SERINC5: variants seen among roughly 807,000 people sequenced by gnomAD.
SERINC5 encodes the protein chromosome 5 open reading frame 12.
SERINC5 carries 41 observed loss-of-function variants against 63.1 expected under a neutral mutation model. The ratio of observed to expected loss-of-function variants is 0.65; its 90% confidence interval spans 0.51 to 0.84. The LOEUF (loss-of-function observed/expected upper bound fraction) is 0.84, where lower values mean the gene tolerates loss of function less well. SERINC5 is among the 40% of genes least tolerant of loss of function. SERINC5 has a pLI of 0.00. For synonymous variants in SERINC5, 222 were observed against 215.2 expected (o/e 1.03, Z -0.28); for missense variants, 523 against 573.0 (o/e 0.91, Z 0.89).
chr5:80,126,966 AAAG>A (rs1353136370), intron 11 of SERINC5, among the ~76,000 whole-genome samples: 2 of 152,222 alleles, frequency 1.3e-5, no homozygotes, highest in Non-Finnish European at 2.9e-5. Flanking sequence ...AAAAACTTTC[AAAG>A]AAGAAGATTA....
chr5:80,176,377 A>G (rs1310828140), intron 4 of SERINC5, among the ~76,000 whole-genome samples: 2 of 152,238 alleles, frequency 1.3e-5, no homozygotes, highest in African/African-American at 2.4e-5. Flanking sequence ...GCCCTGATAC[A>G]TAACTATATG....
intron 7 of SERINC5, among the ~76,000 whole-genome samples, chr5:80,160,438 A>G (rs1580085068): frequency 6.6e-6 from 1 of 152,256 alleles, no homozygotes; most frequent in East Asian, 1.9e-4. Flanking sequence ...AACATAAAGT[A>G]ACACTCTAGA....
chr5:80,226,213 T>A lies in SERINC5; in HGVS notation c.28-23160A>T, dbSNP rs1010268930. On this transcript the variant is annotated intron_variant, in intron 1 of 11. Transcript: ENST00000507668. ...GCTGGAGTACAGGTGCACACTATGA[T>A]GCCTGGCTAATTTTTTGTATTTTTT... is the stretch of plus-strand genomic sequence containing the variant. Among the ~76,000 whole-genome samples the A allele has an allele frequency of 3.9e-5, 6 of 152,176 alleles. No homozygotes were observed. The East Asian group carries it at 9.6e-4, about 24-fold the overall frequency.
intron 1 of SERINC5, among the ~76,000 whole-genome samples, chr5:80,207,225 C>T (rs1441080172): frequency 1.3e-5 from 2 of 152,178 alleles, no homozygotes; most frequent in African/African-American, 4.8e-5. Flanking sequence ...GTCTCAATCT[C>T]CTGACCTTGT....
intron 1 of SERINC5, among the ~76,000 whole-genome samples, chr5:80,210,471 T>C (rs1750382286): frequency 6.6e-6 from 1 of 152,192 alleles, no homozygotes; most frequent in Admixed American, 6.5e-5. Context: ...AGGATTGATC[T>C]AGGTGTGTGA....
chr5:80,202,916 T>C lies in SERINC5; in HGVS notation c.165A>G (p.Ser55=). 6.2e-7 allele frequency: 1 copy of C among 1,612,286 alleles called. No homozygotes were observed. Among genetic ancestry groups the C allele is most frequent in the Non-Finnish European group, 8.5e-7 (1 of 1,178,600 alleles). ...LVVVLCCIMM[S]TTVAHKMKEH... ...CTTTCATCTTGTGAGCCACGGTTGT[T>C]GACATCATGATGCAGCAGAGGACGA... Residue 55 remains serine (S), a synonymous_variant, in exon 2 of 12, where the codon TCA becomes TCG. Transcript: ENST00000507668.
intron 11 of SERINC5, among the ~76,000 whole-genome samples, chr5:80,115,449 T>A (rs1313114054): frequency 6.6e-6 from 1 of 152,088 alleles, no homozygotes; most frequent in Non-Finnish European, 1.5e-5. Flanking sequence ...TTTTTTGAAT[T>A]CTCAGTTTTC....
Position 80,141,741 on chromosome 5 carries a change from T to C in SERINC5, c.*1922A>G. 1 of 985,474 alleles carries C rather than the reference T, an allele frequency of 1.0e-6. No homozygotes were observed. The allele number at this position is 985,474 out of a possible 1,614,324, so 61.0% of individuals were successfully genotyped here. A position where few individuals can be genotyped will look rare whatever the true frequency, so the allele number is the denominator to read the frequency against. ...GATTCCTCAGGTTAGAACACGGCTTTTCATTTTGCGACTCCAGATGAATCT... is the reference window on the plus strand; with the variant it reads ...GATTCCTCAGGTTAGAACACGGCTTCTCATTTTGCGACTCCAGATGAATCT... On this transcript the variant is annotated 3_prime_UTR_variant, in exon 12 of 12. Coordinates refer to ENST00000507668, the MANE Select transcript of SERINC5 (RefSeq NM_001174072.3).
Position 80,143,550 on chromosome 5 carries a change from C to A in SERINC5, c.*113G>T. The A allele has an allele frequency of 1.5e-6, 2 of 1,357,382 alleles. No homozygotes were observed. Among genetic ancestry groups the A allele is most frequent in the South Asian group, 2.0e-5 (1 of 51,048 alleles). The allele number at this position is 1,357,382 out of a possible 1,614,324, so 84.1% of individuals were successfully genotyped here. On this transcript the variant is annotated 3_prime_UTR_variant, in exon 12 of 12. Coordinates refer to ENST00000507668, the MANE Select transcript of SERINC5 (RefSeq NM_001174072.3). ...AGATTTTTTTTTTTCTCTCTCAAAGCTTTTTCAGACCCACTCAGGCACAGG... is the reference window on the plus strand; with the variant it reads ...AGATTTTTTTTTTTCTCTCTCAAAGATTTTTCAGACCCACTCAGGCACAGG...
At chr5:80,137,151 A>AC (rs1369794087), downstream of SERINC5, among the ~76,000 whole-genome samples, 7 of 141,496 alleles carry the variant, frequency 4.9e-5, no homozygotes, top group Admixed American at 4.3e-4. Context: ...AAAAAAAAAA[A>AC]AAAAAAAAAA....
intron 1 of SERINC5, among the ~76,000 whole-genome samples, chr5:80,242,233 G>T (rs1260147445): frequency 6.6e-6 from 1 of 152,164 alleles, no homozygotes; most frequent in African/African-American, 2.4e-5. Context: ...TCTATAAAAA[G>T]CATACTTTTA....
At chr5:80,182,435 A>G (rs1030998893) in intron 2 of SERINC5, among the ~76,000 whole-genome samples, 12 of 151,538 alleles carry the variant, frequency 7.9e-5, no homozygotes, top group Non-Finnish European at 1.5e-4. Context: ...TATTCACCAT[A>G]CATTTCTTCC....
At chr5:80,145,987 G>T in intron 11 of SERINC5, 103 bp downstream of exon 11, 2 of 1,271,398 alleles carry the variant, frequency 1.6e-6, no homozygotes, top group Non-Finnish European at 2.2e-6. Context: ...TCCAGCCTGG[G>T]CAACAGAGTG....
chr5:80,219,633 G>A (rs1750813059), intron 1 of SERINC5, among the ~76,000 whole-genome samples: 1 of 152,124 alleles, frequency 6.6e-6, no homozygotes, highest in South Asian at 2.1e-4. Flanking sequence ...CAGCCTTTGT[G>A]AGGATGCCTG....
At chr5:80,161,092 T>G (rs1209351476) in intron 7 of SERINC5, among the ~76,000 whole-genome samples, 3 of 151,798 alleles carry the variant, frequency 2.0e-5, no homozygotes, top group Non-Finnish European at 4.4e-5. Context: ...CTTTATCCAA[T>G]CATCTGTTGA....
intron 2 of SERINC5, 63 bp downstream of exon 2, chr5:80,202,823 G>A: frequency 2.6e-6 from 4 of 1,512,960 alleles, no homozygotes; most frequent in Non-Finnish European, 3.6e-6. Flanking sequence ...TCTAAATCAT[G>A]TTTTTCCCAC....
At chr5:80,190,196 C>G (rs1438714555) in intron 2 of SERINC5, among the ~76,000 whole-genome samples, 2 of 150,468 alleles carry the variant, frequency 1.3e-5, no homozygotes, top group Admixed American at 6.7e-5. Context: ...ACTGCAACCT[C>G]CACCTCCCTG....
At chr5:80,180,619 A>T (rs554827108) in intron 2 of SERINC5, among the ~76,000 whole-genome samples, 1 of 152,126 alleles carries the variant, frequency 6.6e-6, no homozygotes, top group African/African-American at 2.4e-5. Context: ...GTATTTACCC[A>T]TTTCTTTAAA....
rs868190018 is a variant in SERINC5 at position 80,166,448 on chromosome 5, C to T, written c.794G>A (p.Gly265Glu). ...GTAGGTGACATAGCAGCTTATGACC[C>T]CTGATTGTAAGAGCCCCGAGTGTGG... is the stretch of plus-strand genomic sequence containing the variant. ...RQPHSGLLQS[G>E]VISCYVTYLT... Residue 265 changes from glycine (G) to glutamate (E), a missense_variant, in exon 7 of 12, where the codon GGG (glycine) becomes GAG (glutamate). Coordinates refer to ENST00000507668, the MANE Select transcript of SERINC5 (RefSeq NM_001174072.3). The T allele has an allele frequency of 1.9e-6, 3 of 1,595,166 alleles. No individual in the cohort carries two copies.
Sources: allele counts gnomAD v4.1 joint callset (sites outside exome capture counted in the v4.1 genomes callset), GRCh38; gene constraint gnomAD v4.1.1; transcripts MANE v1.5; gene names NCBI Gene and HGNC (gene_info 2026-07-23, HGNC 2026-07-21).